OPRM1: variants seen among roughly 807,000 people sequenced by gnomAD.
OPRM1 encodes the protein opioid receptor mu 1, also known as mu-type opioid receptor.
OPRM1 carries 27 observed loss-of-function variants against 31.8 expected under a neutral mutation model. That is an observed-to-expected ratio of 0.85 (90% CI 0.63 to 1.17). The LOEUF (loss-of-function observed/expected upper bound fraction) is 1.17. Ranked by LOEUF, OPRM1 falls within the 50% of genes most tolerant of loss-of-function variation. OPRM1 has a pLI of 0.00. For missense variants in OPRM1, 536 were observed against 511.1 expected (o/e 1.05, Z -0.47); for synonymous variants, 196 against 189.9 (o/e 1.03, Z -0.26).
intron 1 of OPRM1, among the ~76,000 whole-genome samples, chr6:154,069,023 G>T (rs1442004326): frequency 6.6e-6 from 1 of 152,012 alleles, no homozygotes; most frequent in Admixed American, 6.6e-5. Context: ...TGTCCATGCA[G>T]GTCTTTTGCC....
At chr6:154,242,062 A>G (rs1780641924) in intron 3 of OPRM1, among the ~76,000 whole-genome samples, 1 of 152,242 alleles carries the variant, frequency 6.6e-6, no homozygotes, top group South Asian at 2.1e-4. Flanking sequence ...AAATGGGAAT[A>G]ATAAAATCTA....
At chr6:154,147,029 T>C (rs1798376142) in intron 3 of OPRM1, among the ~76,000 whole-genome samples, 1 of 152,174 alleles carries the variant, frequency 6.6e-6, no homozygotes, top group African/African-American at 2.4e-5. Context: ...AAATGGACTT[T>C]TGTACTCTTC....
chr6:154,115,432 C>T (rs562433987), intron 3 of OPRM1, among the ~76,000 whole-genome samples: 132 of 152,138 alleles, frequency 8.7e-4, no homozygotes, highest in Non-Finnish European at 1.6e-3. Context: ...CCCAGCTACT[C>T]GGGAGACTGA....
intron 3 of OPRM1, among the ~76,000 whole-genome samples, chr6:154,233,473 A>C (rs17292684): frequency 0.044 from 6,635 of 152,234 alleles, 203 homozygotes; most frequent in Middle Eastern, 0.065. Context: ...ATATAACTAG[A>C]TTTAGATCCA....
intron 3 of OPRM1, among the ~76,000 whole-genome samples, chr6:154,189,503 G>A (rs892494728): frequency 6.6e-6 from 1 of 151,890 alleles, no homozygotes; most frequent in African/African-American, 2.4e-5. Flanking sequence ...ATAAATAAAG[G>A]ACTTAATAAA....
At chr6:154,205,951 T>A (rs9397182) in intron 3 of OPRM1, among the ~76,000 whole-genome samples, 110,048 of 151,870 alleles carry the variant, frequency 0.72, 40,567 homozygotes, top group East Asian at 0.9. Context: ...TGCTGCAGCC[T>A]TCCCCAGCTG....
At chr6:154,217,681 A>G (rs1300336050) in intron 3 of OPRM1, among the ~76,000 whole-genome samples, 2 of 152,210 alleles carry the variant, frequency 1.3e-5, no homozygotes, top group Non-Finnish European at 2.9e-5. Context: ...TTTAAAATTG[A>G]CCAGGCAAAA....
rs3836997 is a variant in OPRM1 at position 154,040,970 on chromosome 6, G to GT, written c.290+1147dup. Reference sequence around the variant, plus strand: ...CTTTAAAATAGTTCCTAATTCGAGGGTTTTTTTTTTTAACCAGGGGTATGT... The same window carrying GT: ...CTTTAAAATAGTTCCTAATTCGAGGGTTTTTTTTTTTTAACCAGGGGTATGT... On this transcript the variant is annotated intron_variant, in intron 1 of 3. Coordinates refer to ENST00000330432, the MANE Select transcript of OPRM1 (RefSeq NM_000914.5). Among the ~76,000 whole-genome samples the GT allele has an allele frequency of 2.5e-3, 359 of 146,044 alleles. 1 individual carries two copies. Among genetic ancestry groups the GT allele is most frequent in the East Asian group, 0.021 (104 of 5,072 alleles).
chr6:154,170,833 T>C (rs1460864744), intron 3 of OPRM1, among the ~76,000 whole-genome samples: 1 of 152,154 alleles, frequency 6.6e-6, no homozygotes, highest in African/African-American at 2.4e-5. Context: ...CCCTCATACA[T>C]TGTTAGTGGG....
chr6:154,034,453 C>A (rs1286467052), upstream of OPRM1, among the ~76,000 whole-genome samples: 1 of 152,058 alleles, frequency 6.6e-6, no homozygotes, highest in Non-Finnish European at 1.5e-5. Flanking sequence ...GAGTCTGAGG[C>A]GGGAGAAAGG....
chr6:154,201,067 T>A (rs1325213109), intron 3 of OPRM1, among the ~76,000 whole-genome samples: 3 of 152,208 alleles, frequency 2.0e-5, no homozygotes, highest in Non-Finnish European at 2.9e-5. Context: ...CACTCACTCT[T>A]TCTGCTGCCA....
At chr6:154,026,539 T>C (rs1053596697) in intron 1 of OPRM1, among the ~76,000 whole-genome samples, 5 of 152,304 alleles carry the variant, frequency 3.3e-5, no homozygotes, top group African/African-American at 1.2e-4. Context: ...CCTAATCTCA[T>C]TCTCTACTTC....
At chr6:154,160,047 G>T in intron 3 of OPRM1, 2 of 1,598,520 alleles carry the variant, frequency 1.3e-6, no homozygotes, top group Non-Finnish European at 1.7e-6. Context: ...TACACTGTGT[G>T]AGTAGAAAAA....
chr6:154,212,649 C>A, intron 3 of OPRM1: 1 of 652,708 alleles, frequency 1.5e-6, no homozygotes, highest in South Asian at 2.1e-5. Flanking sequence ...TGCTCGTTGG[C>A]AGGTATCTTA....
chr6:154,072,659 A>G lies in OPRM1; in HGVS notation c.291-17167A>G, dbSNP rs551409536. ...CATTAGTTTATGAAAATGACAGAAA[A>G]ATTCTTACTAAACAATGTGATATTT... On this transcript the variant is annotated intron_variant, in intron 1 of 3. Coordinates refer to ENST00000330432, the MANE Select transcript of OPRM1 (RefSeq NM_000914.5). 1.8e-4 allele frequency among the ~76,000 whole-genome samples: 27 copies of G among 152,348 alleles called. No homozygotes were observed. The South Asian group carries it at 5.0e-3, about 28-fold the overall frequency.
At chr6:154,092,372 T>G (rs1792463365) in intron 3 of OPRM1, among the ~76,000 whole-genome samples, 1 of 152,216 alleles carries the variant, frequency 6.6e-6, no homozygotes, top group South Asian at 2.1e-4. Flanking sequence ...AATATTAATC[T>G]AAGTAAGTAA....
intron 3 of OPRM1, among the ~76,000 whole-genome samples, chr6:154,112,574 C>G (rs1021387865): frequency 1.3e-5 from 2 of 152,150 alleles, no homozygotes; most frequent in African/African-American, 4.8e-5. Flanking sequence ...TGCCGTGGTC[C>G]TCATGTGGTC....
At chr6:154,233,761 C>T (rs549442192) in intron 3 of OPRM1, among the ~76,000 whole-genome samples, 4 of 152,292 alleles carry the variant, frequency 2.6e-5, no homozygotes, top group African/African-American at 9.6e-5. Flanking sequence ...CCAGGGCACA[C>T]TGGCAAGACT....
intron 3 of OPRM1, among the ~76,000 whole-genome samples, chr6:154,117,342 A>T (rs953522400): frequency 6.6e-6 from 1 of 152,232 alleles, no homozygotes; most frequent in Non-Finnish European, 1.5e-5. Flanking sequence ...AAAAGAGATG[A>T]CTAAGCAAGC....
Sources: allele counts gnomAD v4.1 joint callset (sites outside exome capture counted in the v4.1 genomes callset), GRCh38; gene constraint gnomAD v4.1.1; transcripts MANE v1.5; gene names NCBI Gene and HGNC (gene_info 2026-07-23, HGNC 2026-07-21).